The following PEX14 variants were observed in gnomAD, a reference collection of about 807,000 sequenced individuals.
PEX14 encodes peroxisomal membrane protein PEX14.
PEX14 carries 15 observed loss-of-function variants against 49.5 expected under a neutral mutation model. The ratio of observed to expected loss-of-function variants is 0.30; its 90% CI spans 0.20 to 0.47. PEX14 has a LOEUF of 0.47. Among genes scored for constraint, PEX14 ranks in the 20% least tolerant of loss-of-function variants. The pLI, the probability that PEX14 is intolerant of heterozygous loss-of-function variation, is 1.00. For synonymous variants in PEX14, 210 were observed against 212.7 expected (o/e 0.99, Z 0.11); for missense variants, 398 against 494.8 (o/e 0.80, Z 1.86).
intron 3 of PEX14, among the ~76,000 whole-genome samples, chr1:10,548,447 T>G (rs972348102): frequency 6.6e-6 from 1 of 152,128 alleles, no homozygotes; most frequent in African/African-American, 2.4e-5. Context: ...TGAAAAACAT[T>G]TTATGTTGAT....
At chr1:10,554,409 T>G (rs1375162849) in intron 3 of PEX14, among the ~76,000 whole-genome samples, 7 of 152,044 alleles carry the variant, frequency 4.6e-5, no homozygotes. Context: ...GGACATTAAC[T>G]GACTTGCTGG....
chr1:10,586,749 C>T (rs1476477500), intron 3 of PEX14, among the ~76,000 whole-genome samples: 3 of 146,460 alleles, frequency 2.0e-5, no homozygotes, highest in Non-Finnish European at 4.5e-5. Flanking sequence ...ACGCCATTCT[C>T]CTGCCTCAGC....
At chr1:10,621,341 T>A (rs898675906) in intron 5 of PEX14, among the ~76,000 whole-genome samples, 2 of 148,150 alleles carry the variant, frequency 1.3e-5, no homozygotes, top group Non-Finnish European at 3.0e-5. Flanking sequence ...ATATATGAAT[T>A]CTTTTTTTTT....
At chr1:10,527,416 C>T (rs1183569911) in intron 2 of PEX14, among the ~76,000 whole-genome samples, 1 of 150,074 alleles carries the variant, frequency 6.7e-6, no homozygotes, top group African/African-American at 2.5e-5. Flanking sequence ...ACTCGGGAGG[C>T]TGAGGCACAA....
At chr1:10,570,172 A>T (rs945572346) in intron 3 of PEX14, among the ~76,000 whole-genome samples, 1 of 150,576 alleles carries the variant, frequency 6.6e-6, no homozygotes, top group Non-Finnish European at 1.5e-5. Context: ...GTATTGAATG[A>T]TTTTCTGCTC....
In PEX14 at chr1:10,514,887, T is replaced by C. The variant is rs963599322; in HGVS notation, c.84+19566T>C. ...ATGAGAACTTCTGTGTGCAGAAAAC[T>C]GTCCCCCTTAAAAGCCTGGGTAACA... On this transcript the variant is annotated intron_variant, in intron 2 of 8. Coordinates refer to ENST00000356607, the MANE Select transcript of PEX14 (RefSeq NM_004565.3). The surrounding 1 kb of genome is among the most constrained non-coding windows in gnomAD (Gnocchi z 4.4). 1.3e-5 allele frequency among the ~76,000 whole-genome samples: 2 copies of C among 152,230 alleles called. No homozygotes were observed. Among genetic ancestry groups the C allele is most frequent in the African/African-American group, 4.8e-5 (2 of 41,454 alleles).
intron 3 of PEX14, among the ~76,000 whole-genome samples, chr1:10,541,551 G>T (rs1639013765): frequency 6.6e-6 from 1 of 152,230 alleles, no homozygotes; most frequent in Non-Finnish European, 1.5e-5. Flanking sequence ...AGCAGGCAGG[G>T]CTGTGTGGCA....
intron 3 of PEX14, among the ~76,000 whole-genome samples, chr1:10,548,311 A>G (rs917425457): frequency 1.3e-5 from 2 of 152,210 alleles, no homozygotes; most frequent in Non-Finnish European, 2.9e-5. Context: ...TTATCTGCTA[A>G]GGGTAGACAA....
intron 3 of PEX14, among the ~76,000 whole-genome samples, chr1:10,587,070 A>T (rs1640515155): frequency 6.6e-6 from 1 of 152,186 alleles, no homozygotes; most frequent in South Asian, 2.1e-4. Flanking sequence ...GTAGTTACAT[A>T]AGTGTGTTCA....
chr1:10,475,367 C>T (rs1252597426), intron 1 of PEX14, among the ~76,000 whole-genome samples: 2 of 152,176 alleles, frequency 1.3e-5, no homozygotes. Context: ...CGATCGTTCC[C>T]GGCTGTCCCC....
chr1:10,563,792 G>A (rs1298388347), intron 3 of PEX14, among the ~76,000 whole-genome samples: 3 of 151,164 alleles, frequency 2.0e-5, no homozygotes, highest in Non-Finnish European at 2.9e-5. Flanking sequence ...GGTGCCTGTA[G>A]TTCCAGCTAC....
intron 2 of PEX14, among the ~76,000 whole-genome samples, chr1:10,526,171 C>T (rs1638474087): frequency 1.3e-5 from 2 of 149,520 alleles, no homozygotes; most frequent in South Asian, 2.1e-4. Flanking sequence ...CCGCCCGCCT[C>T]AGCCTCCCAA....
chr1:10,609,387 A>G (rs567410455), intron 4 of PEX14, among the ~76,000 whole-genome samples: 119 of 152,324 alleles, frequency 7.8e-4, no homozygotes, highest in Non-Finnish European at 1.4e-3. Flanking sequence ...AGATACATCA[A>G]TTTTAAGTAT....
intron 3 of PEX14, among the ~76,000 whole-genome samples, chr1:10,541,273 CAGG>C (rs2124491502): frequency 6.6e-6 from 1 of 152,320 alleles, no homozygotes; most frequent in East Asian, 1.9e-4. Flanking sequence ...CCTAGACAAA[CAGG>C]TCACCTTAGC....
chr1:10,585,883 G>A (rs1302016091), intron 3 of PEX14, among the ~76,000 whole-genome samples: 1 of 152,224 alleles, frequency 6.6e-6, no homozygotes, highest in African/African-American at 2.4e-5. Flanking sequence ...GCGACAGAGC[G>A]AGACTCCGTC....
At chr1:10,616,109 G>A (rs1641408314) in intron 4 of PEX14, among the ~76,000 whole-genome samples, 1 of 152,138 alleles carries the variant, frequency 6.6e-6, no homozygotes, top group Non-Finnish European at 1.5e-5. Flanking sequence ...GAGGGAGTTT[G>A]GTGGCCAAGG....
intron 3 of PEX14, among the ~76,000 whole-genome samples, chr1:10,595,113 G>C (rs373248574): frequency 2.3e-4 from 35 of 152,234 alleles, no homozygotes; most frequent in East Asian, 2.1e-3. Context: ...TCCGGTCCAG[G>C]GAGCTCTTCT....
chr1:10,619,071 A>G (rs577298170), intron 5 of PEX14, among the ~76,000 whole-genome samples: 1 of 152,354 alleles, frequency 6.6e-6, no homozygotes, highest in Admixed American at 6.5e-5. Context: ...TGCCATCTAT[A>G]GAAATCTAGG....
In PEX14 at chr1:10,500,012, G is replaced by A. The variant is rs184283004; in HGVS notation, c.84+4691G>A. 3.3e-5 allele frequency among the ~76,000 whole-genome samples: 5 copies of A among 152,086 alleles called. No homozygotes were observed. In the South Asian group the frequency reaches 8.3e-4, roughly 25 times the overall value. On this transcript the variant is annotated intron_variant, in intron 2 of 8. Coordinates refer to ENST00000356607, the MANE Select transcript of PEX14 (RefSeq NM_004565.3). Reference sequence around the variant, plus strand: ...GGAAGCTCATCCATCTTACCCCTGGGACACCCAAGATTTTCTCTTTGGTTT... The same window carrying A: ...GGAAGCTCATCCATCTTACCCCTGGAACACCCAAGATTTTCTCTTTGGTTT...
Sources: gnomAD v4.1 joint callset for allele counts (sites outside exome capture counted in the v4.1 genomes callset) on GRCh38, gnomAD v4.1.1 for gene constraint, Gnocchi (gnomAD v3.1) non-coding constraint, MANE v1.5 for transcripts, NCBI Gene and HGNC (gene_info 2026-07-23, HGNC 2026-07-21) for gene names.